Variants in PEX5L observed in about 807,000 individuals in gnomAD.
PEX5L encodes PEX5-related protein.
In PEX5L, 30 loss-of-function variants were observed where a neutral mutation model predicts 84.0. That is an observed-to-expected ratio of 0.36 (90% CI 0.27 to 0.48). The LOEUF (loss-of-function observed/expected upper bound fraction) is 0.48, where lower values mean the gene tolerates loss of function less well. Among genes scored for constraint, PEX5L ranks in the 20% least tolerant of loss-of-function variants. The pLI is 0.99. For missense variants in PEX5L, 533 were observed against 754.6 expected (o/e 0.71, Z 3.44); for synonymous variants, 270 against 283.1 (o/e 0.95, Z 0.46).
Position 179,795,122 on chromosome 3 carries a change from G to GTGA in PEX5L, c.*6703_*6705dup, listed in dbSNP as rs1255355257. The GTGA allele has an allele frequency of 6.6e-6, 1 of 152,074 alleles. No homozygotes were observed. Among genetic ancestry groups the GTGA allele is most frequent in the Non-Finnish European group, 1.5e-5 (1 of 68,004 alleles). 9.4% of individuals were successfully genotyped at this position (152,074 alleles called of 1,614,324 possible). Reference sequence around the variant, plus strand: ...GATAGCTCATGCAAAATCATATGTAGTGATATTCAATATTTAATAAAAGGA... The same window carrying GTGA: ...GATAGCTCATGCAAAATCATATGTAGTGATGATATTCAATATTTAATAAAAGGA... On this transcript the variant is annotated 3_prime_UTR_variant, in exon 15 of 15. Transcript: ENST00000467460.
intron 2 of PEX5L, among the ~76,000 whole-genome samples, chr3:179,928,018 T>C (rs1320319706): frequency 6.6e-6 from 1 of 152,230 alleles, no homozygotes; most frequent in Non-Finnish European, 1.5e-5. Flanking sequence ...TTCCAGCACA[T>C]CCCAATTTAG....
intron 1 of PEX5L, among the ~76,000 whole-genome samples, chr3:180,012,580 C>G (rs1001936070): frequency 3.3e-5 from 5 of 151,860 alleles, no homozygotes; most frequent in Admixed American, 6.5e-5. Context: ...AAATATTGAC[C>G]CTGGTCTAGG....
chr3:179,973,349 A>G, intron 1 of PEX5L: 1 of 1,188,952 alleles, frequency 8.4e-7, no homozygotes, highest in Admixed American at 3.3e-5. Context: ...ATAATGTACA[A>G]CAATAATTGA....
chr3:179,802,711 G>C (rs1719527414), intron 14 of PEX5L, among the ~76,000 whole-genome samples: 1 of 152,048 alleles, frequency 6.6e-6, no homozygotes, highest in South Asian at 2.1e-4. Flanking sequence ...TCTATAACTA[G>C]GTTTAAGAGG....
intron 9 of PEX5L, among the ~76,000 whole-genome samples, chr3:179,819,471 G>GT: frequency 6.6e-6 from 1 of 152,206 alleles, no homozygotes; most frequent in East Asian, 1.9e-4. Flanking sequence ...CATGCCACTG[G>GT]TATCACTTCT....
chr3:179,898,877 TAG>T (rs1347624488), intron 2 of PEX5L, among the ~76,000 whole-genome samples: 1 of 152,152 alleles, frequency 6.6e-6, no homozygotes, highest in Non-Finnish European at 1.5e-5. Flanking sequence ...ATAATTTTAA[TAG>T]AGTTTTAGAA....
At chr3:179,846,455 C>T (rs1041733685) in intron 8 of PEX5L, among the ~76,000 whole-genome samples, 14 of 152,166 alleles carry the variant, frequency 9.2e-5, no homozygotes, top group Admixed American at 5.9e-4. Flanking sequence ...TATATTTTTG[C>T]ACCCATCAAC....
intron 2 of PEX5L, chr3:179,898,492 T>G (rs1176397856): frequency 5.6e-6 from 2 of 354,570 alleles, no homozygotes; most frequent in African/African-American, 4.2e-5. Context: ...TAACATAGTA[T>G]TTTATATGTA....
At chr3:179,964,221 T>G (rs1374077608) in intron 2 of PEX5L, among the ~76,000 whole-genome samples, 2 of 152,166 alleles carry the variant, frequency 1.3e-5, no homozygotes, top group African/African-American at 4.8e-5. Context: ...GTAATTGATG[T>G]TTAGCTCCCA....
intron 1 of PEX5L, among the ~76,000 whole-genome samples, chr3:179,985,109 T>C (rs1786684719): frequency 6.6e-6 from 1 of 152,244 alleles, no homozygotes; most frequent in Non-Finnish European, 1.5e-5. Context: ...TTGAGACACC[T>C]TTTGGATTTG....
At chr3:180,024,007 C>A (rs1242765740) in intron 1 of PEX5L, among the ~76,000 whole-genome samples, 1 of 152,130 alleles carries the variant, frequency 6.6e-6, no homozygotes, top group African/African-American at 2.4e-5. Context: ...ACCTCACATA[C>A]CAAGTGTGTG....
chr3:179,901,171 T>A (rs1761198753), intron 2 of PEX5L, among the ~76,000 whole-genome samples: 1 of 152,168 alleles, frequency 6.6e-6, no homozygotes, highest in Admixed American at 6.6e-5. Context: ...TTCTTTCTTT[T>A]TTGAAGGCAG....
At chr3:179,965,260 C>T (rs577270024) in intron 2 of PEX5L, among the ~76,000 whole-genome samples, 39 of 152,278 alleles carry the variant, frequency 2.6e-4, no homozygotes, top group African/African-American at 6.5e-4. Flanking sequence ...TCAGGAGGCA[C>T]GAGTTACAGA....
intron 1 of PEX5L, among the ~76,000 whole-genome samples, chr3:179,997,932 T>C (rs1788044652): frequency 6.6e-6 from 1 of 152,236 alleles, no homozygotes; most frequent in Admixed American, 6.5e-5. Context: ...CTTTGTGTCA[T>C]AATCTTATTC....
chr3:179,975,636 A>G (rs756949267), intron 1 of PEX5L, among the ~76,000 whole-genome samples: 15 of 152,244 alleles, frequency 9.9e-5, no homozygotes, highest in Non-Finnish European at 1.8e-4. Flanking sequence ...TGTCACATAT[A>G]CAATATAAAA....
chr3:179,951,063 T>C (rs1321654688), intron 2 of PEX5L, among the ~76,000 whole-genome samples: 1 of 152,242 alleles, frequency 6.6e-6, no homozygotes, highest in East Asian at 1.9e-4. Flanking sequence ...TGAAGGCTAT[T>C]ACAACGGAGA....
chr3:179,919,677 G>A (rs1768580470), intron 2 of PEX5L, among the ~76,000 whole-genome samples: 1 of 152,168 alleles, frequency 6.6e-6, no homozygotes, highest in Non-Finnish European at 1.5e-5. Flanking sequence ...GTGGTAAGAA[G>A]AGAAAAACCC....
chr3:179,940,974 C>A (rs897169031), intron 2 of PEX5L, among the ~76,000 whole-genome samples: 7 of 152,142 alleles, frequency 4.6e-5, no homozygotes, highest in Non-Finnish European at 1.0e-4. Flanking sequence ...ATGTGCCAGG[C>A]GTTATGGTAG....
At chr3:179,955,555 C>T (rs578058229) in intron 2 of PEX5L, among the ~76,000 whole-genome samples, 6 of 143,618 alleles carry the variant, frequency 4.2e-5, no homozygotes, top group South Asian at 4.4e-4. Context: ...TTCTAGTCTT[C>T]GGGGACAAAT....
Sources: allele counts gnomAD v4.1 joint callset (sites outside exome capture counted in the v4.1 genomes callset), GRCh38; gene constraint gnomAD v4.1.1; transcripts MANE v1.5; gene names NCBI Gene and HGNC (gene_info 2026-07-23, HGNC 2026-07-21).